The following COL24A1 variants were observed in gnomAD, a reference collection of about 807,000 sequenced individuals.
COL24A1 encodes the protein collagen alpha-1(XXIV) chain.
Under a neutral mutation model 253.9 loss-of-function variants are expected in COL24A1, and 224 were observed. The ratio of observed to expected loss-of-function variants is 0.88; its 90% CI spans 0.79 to 0.99. The LOEUF (loss-of-function observed/expected upper bound fraction) is 0.99, where lower values mean the gene tolerates loss of function less well. Among genes scored for constraint, COL24A1 ranks in the 50% least tolerant of loss-of-function variants. The pLI is 0.00. For missense variants in COL24A1, 2,131 were observed against 2,068.5 expected, an observed-to-expected ratio of 1.03 and a Z score of -0.59; for synonymous variants, 685 against 673.7, an observed-to-expected ratio of 1.02 and a Z score of -0.26.
At chr1:86,105,687 CT>C (rs1557643510) in intron 5 of COL24A1, among the ~76,000 whole-genome samples, 1 of 152,172 alleles carries the variant, frequency 6.6e-6, no homozygotes, top group East Asian at 1.9e-4. Context: ...GTAACACACC[CT>C]TTGGGCTCCA....
intron 43 of COL24A1, among the ~76,000 whole-genome samples, chr1:85,834,081 C>T (rs532605984): frequency 6.6e-6 from 1 of 151,634 alleles, no homozygotes; most frequent in African/African-American, 2.4e-5. Flanking sequence ...CAAACCTGTA[C>T]ATTGTGCACA....
intron 23 of COL24A1, among the ~76,000 whole-genome samples, chr1:85,961,733 G>A (rs1691087786): frequency 6.6e-6 from 1 of 152,182 alleles, no homozygotes; most frequent in Non-Finnish European, 1.5e-5. Flanking sequence ...TTACAATCAT[G>A]ATGGAAGGTA....
At chr1:85,756,312 A>G (rs1813656) in intron 55 of COL24A1, among the ~76,000 whole-genome samples, 136,783 of 151,872 alleles carry the variant, frequency 0.9, 62,313 homozygotes, top group Non-Finnish European at 0.97. Context: ...CCAGCTACTC[A>G]GGAGGCTGAG....
chr1:85,939,628 T>C (rs1688550331), intron 24 of COL24A1, among the ~76,000 whole-genome samples: 3 of 152,202 alleles, frequency 2.0e-5, no homozygotes, highest in Admixed American at 6.5e-5. Context: ...AGAAAACTTA[T>C]AGAGCTCACC....
rs1700866794 is a variant in COL24A1, at chr1:86,059,036, T to C, written c.1806+85A>G. 11 of 826,050 alleles carry C rather than the reference T, an allele frequency of 1.3e-5. No individual in the cohort carries two copies. In the South Asian group the frequency reaches 2.3e-4, roughly 17 times the overall value. 51.2% of individuals were successfully genotyped at this position (826,050 alleles called of 1,614,324 possible). A position where few individuals can be genotyped will look rare whatever the true frequency, so the allele number is the denominator to read the frequency against. The stretch of plus-strand genomic sequence containing the variant: ...TATTCATTATTTAATAAAAAAACTA[T>C]TTGAACATTAATTCTCAAAATCAGA... On this transcript the variant is annotated intron_variant, in intron 9 of 59. Transcript: ENST00000370571.
intron 13 of COL24A1, 96 bp downstream of exon 13, chr1:86,033,774 G>T: frequency 8.9e-7 from 1 of 1,119,244 alleles, no homozygotes; most frequent in Non-Finnish European, 1.3e-6. Context: ...TTCCAATAGT[G>T]TTTATTCACA....
At chr1:85,998,070 C>T (rs755724512) in intron 19 of COL24A1, among the ~76,000 whole-genome samples, 1 of 152,116 alleles carries the variant, frequency 6.6e-6, no homozygotes, top group South Asian at 2.1e-4. Context: ...TTTGCCAATT[C>T]TGATTTTTTT....
intron 3 of COL24A1, among the ~76,000 whole-genome samples, chr1:86,120,149 G>A (rs1309107429): frequency 6.6e-6 from 1 of 152,130 alleles, no homozygotes; most frequent in African/African-American, 2.4e-5. Context: ...ATTCAAGATG[G>A]ATTAAAGACT....
chr1:86,091,218 A>C (rs1703468654), intron 6 of COL24A1, among the ~76,000 whole-genome samples: 1 of 152,120 alleles, frequency 6.6e-6, no homozygotes, highest in African/African-American at 2.4e-5. Context: ...CTAAAATTTT[A>C]GATTTAAAAC....
chr1:85,764,343 G>C (rs931934243), intron 53 of COL24A1, among the ~76,000 whole-genome samples: 1 of 151,994 alleles, frequency 6.6e-6, no homozygotes, highest in Non-Finnish European at 1.5e-5. Context: ...AATGTAATTA[G>C]AATGGAATGA....
chr1:85,734,690 TG>T (rs1263055552), intron 59 of COL24A1, 58 bp downstream of exon 59: 2 of 1,431,534 alleles, frequency 1.4e-6, no homozygotes, highest in Non-Finnish European at 2.0e-6. Context: ...CCTAATTTTA[TG>T]GTTTTATCAA....
intron 7 of COL24A1, among the ~76,000 whole-genome samples, chr1:86,067,614 T>G (rs1010810582): frequency 6.6e-6 from 1 of 152,192 alleles, no homozygotes; most frequent in African/African-American, 2.4e-5. Context: ...AAATGAAAGG[T>G]GATAAATAGA....
intron 2 of COL24A1, among the ~76,000 whole-genome samples, chr1:86,136,657 CA>C (rs1414653649): frequency 6.6e-6 from 1 of 152,028 alleles, no homozygotes; most frequent in Admixed American, 6.6e-5. Flanking sequence ...TGAGCCCAAT[CA>C]ATATGGCTTT....
intron 5 of COL24A1, among the ~76,000 whole-genome samples, chr1:86,093,609 G>A (rs1233241821): frequency 6.6e-6 from 1 of 151,840 alleles, no homozygotes; most frequent in East Asian, 1.9e-4. Context: ...GACACCAAAG[G>A]CAATCGCAAA....
intron 37 of COL24A1, among the ~76,000 whole-genome samples, chr1:85,861,523 G>C (rs948952938): frequency 1.3e-5 from 2 of 152,020 alleles, no homozygotes; most frequent in Non-Finnish European, 2.9e-5. Flanking sequence ...TACAGTTTTA[G>C]CTCTTACATT....
At chr1:86,009,368 T>C (rs569431482) in intron 19 of COL24A1, among the ~76,000 whole-genome samples, 1 of 103,210 alleles carries the variant, frequency 9.7e-6, no homozygotes, top group African/African-American at 5.2e-5. Flanking sequence ...TGAGAAACAT[T>C]TTGTCAGGCA....
At chr1:85,829,617 C>A (rs1333219134) in intron 43 of COL24A1, among the ~76,000 whole-genome samples, 2 of 151,896 alleles carry the variant, frequency 1.3e-5, no homozygotes, top group Non-Finnish European at 2.9e-5. Flanking sequence ...AGGCTTTGCT[C>A]ATTTCTTTTT....
Position 85,847,773 on chromosome 1 carries a change from C to T in COL24A1, c.3355-1G>A. ...TGGGTCCTATTTGTCCTTTATCACC[C>T]TGTGGATGACATTATTAAGAGAGAA... On this transcript the variant is annotated splice_acceptor_variant, in intron 38 of 59. Coordinates refer to ENST00000370571, the MANE Select transcript of COL24A1 (RefSeq NM_152890.7). LOFTEE classifies it high-confidence loss of function. 1 of 1,601,188 alleles carries T rather than the reference C, an allele frequency of 6.2e-7. No homozygotes were observed. Among genetic ancestry groups the T allele is most frequent in the African/African-American group, 1.3e-5 (1 of 74,708 alleles).
Position 85,744,790 on chromosome 1 carries a change from C to T in COL24A1, c.4548G>A (p.Glu1516=). 1.9e-6 allele frequency: 3 copies of T among 1,610,672 alleles called. No homozygotes were observed. The East Asian group carries it at 6.7e-5, about 36-fold the overall frequency. Residue 1516 remains glutamate (E), a synonymous_variant, in exon 57 of 60, where the codon GAG becomes GAA. Coordinates refer to ENST00000370571, the MANE Select transcript of COL24A1 (RefSeq NM_152890.7). ...TEVTLIDHSE[E]IFKTLNYLSN... ...TAAGGTAGTTCAGGGTTTTGAATAT[C>T]TCTTCACTGTGGTCAATTAAAGTCA...
Sources: gnomAD v4.1 joint callset for allele counts (sites outside exome capture counted in the v4.1 genomes callset) on GRCh38, gnomAD v4.1.1 for gene constraint, MANE v1.5 for transcripts, NCBI Gene and HGNC (gene_info 2026-07-23, HGNC 2026-07-21) for gene names.